Variants in NUP58 observed in about 807,000 individuals in gnomAD.
NUP58 encodes the protein nucleoporin p58/p45.
In NUP58, 17 loss-of-function variants were observed where a neutral mutation model predicts 70.1. The ratio of observed to expected loss-of-function variants is 0.24; its 90% CI spans 0.17 to 0.36. The LOEUF is 0.36. NUP58 is among the 10% of genes least tolerant of loss of function. The pLI is 1.00. For missense variants in NUP58, 644 were observed against 701.5 expected (o/e 0.92, Z 0.93); for synonymous variants, 275 against 257.6 (o/e 1.07, Z -0.65).
chr13:25,339,530 T>G (rs977769983), intron 15 of NUP58, among the ~76,000 whole-genome samples: 2 of 152,238 alleles, frequency 1.3e-5, no homozygotes, highest in Non-Finnish European at 2.9e-5. Flanking sequence ...CTCTTTTGTT[T>G]GTTCATTGTC....
intron 13 of NUP58, chr13:25,332,408 A>G (rs2031640229): frequency 2.0e-6 from 2 of 985,122 alleles, no homozygotes; most frequent in Non-Finnish European, 2.4e-6. Context: ...CTTGACATGG[A>G]AAAATAGTCT....
In NUP58 at chr13:25,341,449, G is replaced by C. The variant is rs1048465077; in HGVS notation, c.*1315G>C. On this transcript the variant is annotated 3_prime_UTR_variant, in exon 16 of 16. Coordinates refer to ENST00000381736, the MANE Select transcript of NUP58 (RefSeq NM_014089.4). Reference sequence around the variant, plus strand: ...TCCAATACAGAGTTCTTTCTTATAGGGCTATTGATATTGACACCAAATGGA... The same window carrying C: ...TCCAATACAGAGTTCTTTCTTATAGCGCTATTGATATTGACACCAAATGGA... 2 of 152,354 alleles carry C rather than the reference G, an allele frequency of 1.3e-5. No individual in the cohort carries two copies. The highest frequency in any genetic ancestry group is 4.8e-5 in the African/African-American group (2 of 41,364). 9.4% of individuals were successfully genotyped at this position (152,354 alleles called of 1,614,324 possible). A position where few individuals can be genotyped will look rare whatever the true frequency, so the allele number is the denominator to read the frequency against.
At chr13:25,316,182 C>T (rs916663103) in intron 6 of NUP58, among the ~76,000 whole-genome samples, 1 of 152,108 alleles carries the variant, frequency 6.6e-6, no homozygotes, top group African/African-American at 2.4e-5. Context: ...CAGTTTACCC[C>T]CTAACCAGTA....
At chr13:25,302,955 T>A (rs554661571) in intron 1 of NUP58, 1 of 456,748 alleles carries the variant, frequency 2.2e-6, no homozygotes, top group South Asian at 1.5e-5. Flanking sequence ...GCTATTGTCA[T>A]TCGTGGAACA....
chr13:25,316,429 A>G (rs1022072006), intron 6 of NUP58, among the ~76,000 whole-genome samples: 4 of 132,650 alleles, frequency 3.0e-5, no homozygotes, highest in Non-Finnish European at 6.5e-5. Context: ...GTGAAATAGT[A>G]TCTGTGTATC....
intron 13 of NUP58, chr13:25,333,529 G>C: frequency 1.0e-6 from 1 of 985,212 alleles, no homozygotes; most frequent in East Asian, 1.1e-4. Context: ...GCTTTGAATT[G>C]TATGAATTCT....
At chr13:25,307,709 G>C in intron 1 of NUP58, 97 bp from the exon 2 acceptor site, 1 of 1,146,692 alleles carries the variant, frequency 8.7e-7, no homozygotes, top group Non-Finnish European at 1.2e-6. Context: ...AAATTATCTT[G>C]AAGAGTTAAT....
intron 15 of NUP58, among the ~76,000 whole-genome samples, chr13:25,339,421 C>T (rs1042737666): frequency 6.6e-6 from 1 of 152,234 alleles, no homozygotes; most frequent in African/African-American, 2.4e-5. Context: ...TCCATGTTAT[C>T]AGGATTATAA....
intron 3 of NUP58, among the ~76,000 whole-genome samples, chr13:25,311,377 T>C (rs751778292): frequency 1.4e-4 from 21 of 152,154 alleles, no homozygotes; most frequent in Non-Finnish European, 2.9e-4. Flanking sequence ...GTTTTCTTTT[T>C]GTTTTTGTTT....
chr13:25,331,529 C>T lies in NUP58; in HGVS notation c.1406C>T (p.Thr469Ile), dbSNP rs1469802154. The T allele has an allele frequency of 1.9e-6, 3 of 1,613,968 alleles. No homozygotes were observed. The African/African-American group carries it at 4.0e-5, about 22-fold the overall frequency. ...GCAGCAGCCGTTGCCATGGCTGCAA[C>T]ACTTACACAGCAGCAACAGCCTGCT... ...PNAAAVAMAA[T>I]LTQQQQPATG... Residue 469 changes from threonine (T) to isoleucine (I), a missense_variant, in exon 13 of 16, where the codon ACA becomes ATA. Physicochemically the swap from Thr to Ile is moderately conservative, Grantham distance 89. This residue lies in a region of NUP58 where 132 missense variants were observed against 203.9 expected (regional missense o/e 0.65). Coordinates refer to ENST00000381736, the MANE Select transcript of NUP58 (RefSeq NM_014089.4).
At chr13:25,324,353 TAAACAATACTAATCTTG>T (rs1201267179) in intron 9 of NUP58, among the ~76,000 whole-genome samples, 1 of 152,088 alleles carries the variant, frequency 6.6e-6, no homozygotes, top group Non-Finnish European at 1.5e-5. Flanking sequence ...TGTAAGGGGG[TAAACAATACTAATCTTG>T]AAAAAACATT....
intron 3 of NUP58, among the ~76,000 whole-genome samples, chr13:25,312,612 C>G (rs1432353713): frequency 6.6e-6 from 1 of 152,206 alleles, no homozygotes; most frequent in Non-Finnish European, 1.5e-5. Flanking sequence ...AAGCAATCTG[C>G]CCATCTTGGC....
intron 1 of NUP58, chr13:25,302,958 G>C (rs1265031925): frequency 2.2e-6 from 1 of 456,528 alleles, no homozygotes; most frequent in Non-Finnish European, 4.4e-6. Flanking sequence ...ATTGTCATTC[G>C]TGGAACAAAT....
intron 6 of NUP58, 33 bp from the exon 7 acceptor site, chr13:25,319,293 T>G (rs1174994841): frequency 6.4e-7 from 1 of 1,561,154 alleles, no homozygotes; most frequent in East Asian, 2.3e-5. Flanking sequence ...CAATTACCAA[T>G]TTTTTTTACG....
chr13:25,346,677 A>G (rs905884127), downstream of NUP58, among the ~76,000 whole-genome samples: 15 of 151,132 alleles, frequency 9.9e-5, no homozygotes, highest in Admixed American at 2.6e-4. Context: ...CAGAGATCGC[A>G]CCATTGCACT....
At chr13:25,301,968 C>T (rs1003190799) in intron 1 of NUP58, 88 bp downstream of exon 1, 2 of 838,804 alleles carry the variant, frequency 2.4e-6, no homozygotes, top group Non-Finnish European at 3.7e-6. Flanking sequence ...CCTGTCTCTT[C>T]CCTCTGGCTT....
chr13:25,332,327 T>G, intron 13 of NUP58: 1 of 985,452 alleles, frequency 1.0e-6, no homozygotes, highest in Non-Finnish European at 1.2e-6. Context: ...CTACAGTGTT[T>G]TATTTGGTCC....
intron 12 of NUP58, among the ~76,000 whole-genome samples, chr13:25,328,646 C>T (rs537205314): frequency 1.3e-5 from 2 of 152,164 alleles, no homozygotes; most frequent in South Asian, 4.1e-4. Flanking sequence ...ATCCTCCCTC[C>T]TCGGCCTCCC....
At chr13:25,318,026 G>A (rs934723741) in intron 6 of NUP58, among the ~76,000 whole-genome samples, 3 of 151,908 alleles carry the variant, frequency 2.0e-5, no homozygotes, top group African/African-American at 7.3e-5. Flanking sequence ...ACCACGCCTA[G>A]CTAATTTTTA....
Sources: allele counts gnomAD v4.1 joint callset (sites outside exome capture counted in the v4.1 genomes callset), GRCh38; gene constraint gnomAD v4.1.1; regional missense constraint gnomAD v4.1.1; transcripts MANE v1.5; gene names NCBI Gene and HGNC (gene_info 2026-07-23, HGNC 2026-07-21).